The following PHC2 variants were observed in gnomAD, a reference collection of about 807,000 sequenced individuals.
The protein encoded by PHC2 is polyhomeotic-like protein 2.
PHC2 carries 29 observed loss-of-function variants against 87.4 expected under a neutral mutation model. The observed-to-expected ratio is 0.33, with a 90% CI of 0.25 to 0.45. PHC2 has a LOEUF of 0.45. PHC2 is among the 20% of genes least tolerant of loss of function. PHC2 has a pLI of 1.00. For missense variants in PHC2, 857 were observed against 1,136.7 expected, an observed-to-expected ratio of 0.75 and a Z score of 3.54; for synonymous variants, 438 against 461.7, an observed-to-expected ratio of 0.95 and a Z score of 0.66.
intron 1 of PHC2, among the ~76,000 whole-genome samples, chr1:33,391,093 T>C (rs920467980): frequency 1.3e-5 from 2 of 152,098 alleles, no homozygotes; most frequent in African/African-American, 4.8e-5. Context: ...AAAATGCAAA[T>C]TTTCAGGTCC....
At position 33,382,285 on chromosome 1, in the gene PHC2, G is replaced by A. The variant is rs1302936427; in HGVS notation, c.-54-6692C>T. 1.3e-5 allele frequency among the ~76,000 whole-genome samples: 2 copies of A among 152,136 alleles called. No homozygotes were observed. Among genetic ancestry groups the A allele is most frequent in the African/African-American group, 2.4e-5 (1 of 41,408 alleles). On this transcript the variant is annotated intron_variant, in intron 1 of 14. Transcript: ENST00000683057. The surrounding 1 kb of genome is among the most constrained non-coding windows in gnomAD (Gnocchi z 4.3). ...GTAGCGGAGGCATTCTGCAGTCTCA[G>A]TAAGGGCTACTGAGGCATCTGTGGA...
chr1:33,429,914 G>A (rs1303193019), intron 1 of PHC2, among the ~76,000 whole-genome samples: 5 of 152,174 alleles, frequency 3.3e-5, no homozygotes, highest in Non-Finnish European at 7.3e-5. Context: ...CGCATTAGCC[G>A]ATTTTTCATC....
intron 1 of PHC2, among the ~76,000 whole-genome samples, chr1:33,430,546 C>T (rs74651966): frequency 0.21 from 31,724 of 152,012 alleles, 5,590 homozygotes; most frequent in African/African-American, 0.49. Context: ...CGCAAGACCA[C>T]GGGCTGCCGC....
Position 33,332,464 on chromosome 1 carries a change from C to T in PHC2, c.1762-60G>A. On this transcript the variant is annotated intron_variant, in intron 10 of 14. Coordinates refer to ENST00000683057, the MANE Select transcript of PHC2 (RefSeq NM_001385109.1). The surrounding 1 kb of genome is among the most constrained non-coding windows in gnomAD (Gnocchi z 4.2). ...AGGTGGGAGCGGCTTCCTTGCTATC[C>T]ATCCTCATCACAATTACACGTATAA... The T allele has an allele frequency of 6.3e-7, 1 of 1,596,348 alleles. No homozygotes were observed. The highest frequency in any genetic ancestry group is 2.2e-5 in the East Asian group (1 of 44,736).
intron 1 of PHC2, among the ~76,000 whole-genome samples, chr1:33,384,201 T>A (rs1452302936): frequency 2.6e-5 from 4 of 152,066 alleles, no homozygotes; most frequent in Admixed American, 2.6e-4. Flanking sequence ...AAAATGCAAA[T>A]TTTCAGGCAC....
intron 1 of PHC2, among the ~76,000 whole-genome samples, chr1:33,394,794 T>G (rs1210641169): frequency 6.6e-6 from 1 of 152,174 alleles, no homozygotes; most frequent in Non-Finnish European, 1.5e-5. Context: ...GGTCTCGAAC[T>G]ACTGGGTTCA....
At position 33,368,045 on chromosome 1, in the gene PHC2, C is replaced by T. The variant is rs1439688106; in HGVS notation, c.663+491G>A. Among the ~76,000 whole-genome samples the T allele has an allele frequency of 6.6e-6, 1 of 152,168 alleles. No homozygotes were observed. On this transcript the variant is annotated intron_variant, in intron 6 of 14. Coordinates refer to ENST00000683057, the MANE Select transcript of PHC2 (RefSeq NM_001385109.1). This position sits in a 1 kb window ranked among gnomAD's most constrained non-coding sequence, Gnocchi z 6.6. ...TTCCGTAGATGAGGATGGGGAGATG[C>T]GAGTGCTAGGGGTTCCTTCCCCGGC...
Position 33,324,424 on chromosome 1 carries a change from A to C in PHC2, c.*441T>G. ...TGAAGGGGGAGAAGCTGACAACGGA[A>C]GAGTTAACCAGGCCTGGAGAAAGAA... is the stretch of plus-strand genomic sequence containing the variant. On this transcript the variant is annotated 3_prime_UTR_variant, in exon 15 of 15. Transcript: ENST00000683057. The C allele has an allele frequency of 6.5e-6, 1 of 154,232 alleles. No homozygotes were observed. Among genetic ancestry groups the C allele is most frequent in the Non-Finnish European group, 1.4e-5 (1 of 69,092 alleles). 9.6% of individuals were successfully genotyped at this position (154,232 alleles called of 1,614,324 possible).
intron 7 of PHC2, among the ~76,000 whole-genome samples, chr1:33,356,255 A>ATATATATATATATATG (rs1647072325): frequency 4.9e-5 from 4 of 80,826 alleles, no homozygotes; most frequent in South Asian, 4.5e-4. Context: ...ATTCTTATAT[A>ATATATATATATATATG]TATATATATA....
At chr1:33,407,659 A>G (rs1405099035) in intron 1 of PHC2, among the ~76,000 whole-genome samples, 3 of 152,174 alleles carry the variant, frequency 2.0e-5, no homozygotes, top group Admixed American at 2.0e-4. Flanking sequence ...TCCTTCCCCT[A>G]TAAGACTACC....
chr1:33,412,229 G>A (rs904503356), intron 1 of PHC2, among the ~76,000 whole-genome samples: 2 of 152,096 alleles, frequency 1.3e-5, no homozygotes, highest in Non-Finnish European at 2.9e-5. Context: ...TAAATTGATC[G>A]AGGTCACAAG....
chr1:33,366,538 CAG>C (rs1301899133), intron 7 of PHC2, among the ~76,000 whole-genome samples: 1 of 152,236 alleles, frequency 6.6e-6, no homozygotes, highest in Non-Finnish European at 1.5e-5. Context: ...TCTGTTCTGA[CAG>C]TGTTCAGAGC....
chr1:33,330,087 T>C lies in PHC2; in HGVS notation c.2132A>G (p.Lys711Arg), dbSNP rs1272486308. ...GCCTCTTACCTGCTTCTTGGTATCC[T>C]TGGTAAGTGGTGGCAGACTGGCTTT... is the stretch of plus-strand genomic sequence containing the variant. ...ASKASLPPLT[K>R]DTKKQPTGTV... The change falls in exon 13 of 15, where the codon AAG becomes AGG. Residue 711 changes from lysine to arginine, a missense_variant. Transcript: ENST00000683057. The C allele has an allele frequency of 6.2e-7, 1 of 1,613,992 alleles. No individual in the cohort carries two copies. The highest frequency in any genetic ancestry group is 8.5e-7 in the Non-Finnish European group (1 of 1,179,990).
In PHC2 at chr1:33,368,726, G is replaced by C; in HGVS notation, c.577-104C>G. 2.5e-6 allele frequency: 2 copies of C among 795,334 alleles called. No individual in the cohort carries two copies. Among genetic ancestry groups the C allele is most frequent in the South Asian group, 1.5e-5 (1 of 68,226 alleles). 49.3% of individuals were successfully genotyped at this position (795,334 alleles called of 1,614,324 possible). A position where few individuals can be genotyped will look rare whatever the true frequency, so the allele number is the denominator to read the frequency against. ...GAAACGAGGCGCCTTTTACCTGCTC[G>C]ATGTGGACTCAGCCACAGGACACAA... On this transcript the variant is annotated intron_variant, in intron 5 of 14. Transcript: ENST00000683057. This position sits in a 1 kb window ranked among gnomAD's most constrained non-coding sequence, Gnocchi z 6.6.
chr1:33,409,127 T>A (rs78571345), intron 1 of PHC2, among the ~76,000 whole-genome samples: 2 of 152,214 alleles, frequency 1.3e-5, no homozygotes, highest in African/African-American at 4.8e-5. Flanking sequence ...GGGGTATATT[T>A]AAAAAATATA....
chr1:33,329,024 G>A lies in PHC2; in HGVS notation c.2271C>T (p.Ser757=). ...YEEPLSPISA[S]SSTSRRRQGQ... The stretch of plus-strand genomic sequence containing the variant: ...CTTGTCGCCGGCGGGAAGTAGATGA[G>A]CTGGCTGAGATGGGTGACAAGGGTT... The change falls in exon 14 of 15, where the codon AGC becomes AGT. Residue 757 remains serine (S), a synonymous_variant. Transcript: ENST00000683057. 1 of 1,614,240 alleles carries A rather than the reference G, an allele frequency of 6.2e-7. No individual in the cohort carries two copies. Among genetic ancestry groups the A allele is most frequent in the Non-Finnish European group, 8.5e-7 (1 of 1,180,048 alleles).
chr1:33,379,433 T>G, intron 1 of PHC2, among the ~76,000 whole-genome samples: 1 of 21,140 alleles, frequency 4.7e-5, no homozygotes, highest in Non-Finnish European at 8.9e-5. Context: ...CCATTCCCCC[T>G]GTCCCCCCAC....
At chr1:33,424,164 A>G (rs1334650421) in intron 1 of PHC2, among the ~76,000 whole-genome samples, 1 of 152,184 alleles carries the variant, frequency 6.6e-6, no homozygotes, top group Admixed American at 6.5e-5. Context: ...TGTTGAGTAA[A>G]TTAATACTAT....
At chr1:33,407,666 T>C (rs887887500) in intron 1 of PHC2, among the ~76,000 whole-genome samples, 1 of 152,164 alleles carries the variant, frequency 6.6e-6, no homozygotes, top group Non-Finnish European at 1.5e-5. Flanking sequence ...CCTATAAGAC[T>C]ACCAAAAACT....
Sources: gnomAD v4.1 joint callset for allele counts (sites outside exome capture counted in the v4.1 genomes callset) on GRCh38, gnomAD v4.1.1 for gene constraint, Gnocchi (gnomAD v3.1) non-coding constraint, MANE v1.5 for transcripts, NCBI Gene and HGNC (gene_info 2026-07-23, HGNC 2026-07-21) for gene names.